CLOCK: variants seen among roughly 807,000 people sequenced by gnomAD.
The protein encoded by CLOCK is clock circadian regulator, also known as circadian locomoter output cycles protein kaput.
CLOCK carries 43 observed loss-of-function variants against 118.4 expected under a neutral mutation model. The ratio of observed to expected loss-of-function variants is 0.36; its 90% CI spans 0.28 to 0.47. The LOEUF (loss-of-function observed/expected upper bound fraction) is 0.47. Ranked by LOEUF, CLOCK falls within the 20% of genes least tolerant of loss-of-function variation. CLOCK has a pLI of 1.00. For synonymous variants in CLOCK, 326 were observed against 339.2 expected (o/e 0.96, Z 0.43); for missense variants, 846 against 999.9 (o/e 0.85, Z 2.08).
At chr4:55,488,417 T>C (rs1286359539) in intron 3 of CLOCK, among the ~76,000 whole-genome samples, 1 of 152,238 alleles carries the variant, frequency 6.6e-6, no homozygotes, top group Non-Finnish European at 1.5e-5. Context: ...CTACAGATTT[T>C]AAAGGTGTCC....
chr4:55,438,588 A>G (rs1489633623), intron 21 of CLOCK, 51 bp from the exon 22 acceptor site: 11 of 1,611,404 alleles, frequency 6.8e-6, no homozygotes, highest in Non-Finnish European at 9.3e-6. Context: ...CAAGGTATAC[A>G]TCATAAAACG....
chr4:55,496,407 T>C (rs1728090898), intron 2 of CLOCK, among the ~76,000 whole-genome samples: 1 of 152,154 alleles, frequency 6.6e-6, no homozygotes, highest in South Asian at 2.1e-4. Flanking sequence ...TGATTGGTTA[T>C]GTTGTTAATT....
At chr4:55,511,983 T>C (rs1376182789) in intron 1 of CLOCK, among the ~76,000 whole-genome samples, 1 of 151,900 alleles carries the variant, frequency 6.6e-6, no homozygotes, top group African/African-American at 2.4e-5. Flanking sequence ...TGTCTGAATA[T>C]ACCACAGTTT....
chr4:55,466,063 C>A (rs1218145162), intron 8 of CLOCK, among the ~76,000 whole-genome samples: 1 of 152,052 alleles, frequency 6.6e-6, no homozygotes, highest in East Asian at 1.9e-4. Context: ...AAAAAATAAT[C>A]TGATATGGTT....
rs1468010235 is a variant in CLOCK at position 55,432,033 on chromosome 4, T to C, written c.*3382A>G. On this transcript the variant is annotated 3_prime_UTR_variant, in exon 23 of 23. Coordinates refer to ENST00000513440, the MANE Select transcript of CLOCK (RefSeq NM_004898.4). The stretch of plus-strand genomic sequence containing the variant: ...TCACTATTTTGCACTGAATGTTCTA[T>C]AACAAACTATTCCAAATCACTGGCA... 6.6e-6 allele frequency: 1 copy of C among 152,218 alleles called. No individual in the cohort carries two copies. Among genetic ancestry groups the C allele is most frequent in the African/African-American group, 2.4e-5 (1 of 41,452 alleles). The allele number at this position is 152,218 out of a possible 1,614,324, so 9.4% of individuals were successfully genotyped here. A position where few individuals can be genotyped will look rare whatever the true frequency, so the allele number is the denominator to read the frequency against.
At chr4:55,481,881 T>A (rs960389287) in intron 4 of CLOCK, among the ~76,000 whole-genome samples, 1 of 152,218 alleles carries the variant, frequency 6.6e-6, no homozygotes, top group East Asian at 1.9e-4. Flanking sequence ...TGCAGAATTA[T>A]TGAGGTTAAA....
In CLOCK at chr4:55,438,365, G is replaced by C. The variant is rs1723064872; in HGVS notation, c.2278C>G (p.Gln760Glu). Residue 760 changes from glutamine (Q) to glutamate (E), a missense_variant, in exon 22 of 23, where the codon CAG (glutamine) becomes GAG (glutamate). By Grantham distance (29) the Gln-to-Glu change is conservative. This residue lies in a region of CLOCK where 520 missense variants were observed against 558.0 expected (regional missense o/e 0.93). Transcript: ENST00000513440. ...GTGAGCTGCTGCTCCTGGGAGCTCT[G>C]CTGCTGCTGCTGCTGCGTTACTGAC... ...TLSVTQQQQQQSSQEQQLTSV... is the reference protein window; with the variant it reads ...TLSVTQQQQQESSQEQQLTSV... 6 of 1,541,672 alleles carry C rather than the reference G, an allele frequency of 3.9e-6. No individual in the cohort carries two copies. In the East Asian group the frequency reaches 1.4e-4, roughly 36 times the overall value.
chr4:55,523,692 T>C (rs545020303), intron 1 of CLOCK, among the ~76,000 whole-genome samples: 48 of 152,152 alleles, frequency 3.2e-4, no homozygotes, highest in Non-Finnish European at 6.2e-4. Context: ...TCCAGATACA[T>C]CTCCACATAC....
intron 22 of CLOCK, among the ~76,000 whole-genome samples, chr4:55,437,343 C>G (rs1722964974): frequency 6.6e-6 from 1 of 152,154 alleles, no homozygotes; most frequent in East Asian, 1.9e-4. Context: ...AGTACACATA[C>G]AGACTAGCCT....
At chr4:55,489,292 G>C (rs1440631130) in intron 3 of CLOCK, 82 bp downstream of exon 3, 1 of 152,140 alleles carries the variant, frequency 6.6e-6, no homozygotes, top group African/African-American at 2.4e-5. Context: ...TTAAATTAGT[G>C]TGTCAAAATA....
rs1228956021 is a variant in CLOCK at position 55,459,191 on chromosome 4, A to G, written c.630T>C (p.Tyr210=). The G allele has an allele frequency of 3.7e-6, 6 of 1,610,910 alleles. No individual in the cohort carries two copies. The highest frequency in any genetic ancestry group is 1.7e-5 in the Admixed American group (1 of 59,976). ...AATTTCCTATAAATTTTACATATTC[A>G]TAGGTAGATGGCTCCTTTGGGTCTA... is the stretch of plus-strand genomic sequence containing the variant. ...GTIDPKEPST[Y]EYVKFIGNFK... Residue 210 remains tyrosine, a synonymous_variant, in exon 10 of 23, where the codon TAT becomes TAC. Coordinates refer to ENST00000513440, the MANE Select transcript of CLOCK (RefSeq NM_004898.4).
At chr4:55,539,629 A>G (rs1241326341) in intron 1 of CLOCK, among the ~76,000 whole-genome samples, 1 of 151,400 alleles carries the variant, frequency 6.6e-6, no homozygotes, top group Non-Finnish European at 1.5e-5. Flanking sequence ...TCAGAGAAAC[A>G]AAAATAGAAA....
intron 2 of CLOCK, among the ~76,000 whole-genome samples, chr4:55,507,263 A>T (rs985724571): frequency 2.0e-5 from 3 of 152,116 alleles, no homozygotes; most frequent in Admixed American, 1.3e-4. Context: ...AGCTGAGATC[A>T]TGCCACTGCA....
At position 55,429,839 on chromosome 4, in the gene CLOCK, ATGACT is replaced by A. The variant is rs1261163547; in HGVS notation, c.*5571_*5575del. 1.3e-5 allele frequency: 2 copies of A among 152,184 alleles called. No individual in the cohort carries two copies. The highest frequency in any genetic ancestry group is 2.9e-5 in the Non-Finnish European group (2 of 68,034). The allele number at this position is 152,184 out of a possible 1,614,324, so 9.4% of individuals were successfully genotyped here. The stretch of plus-strand genomic sequence containing the variant: ...AGTTATTTCTAAAATTCTTTCTTAG[ATGACT>A]TGAGGAGGGAAGTGCAGGGGCATCT... On this transcript the variant is annotated 3_prime_UTR_variant, in exon 23 of 23. Coordinates refer to ENST00000513440, the MANE Select transcript of CLOCK (RefSeq NM_004898.4).
intron 1 of CLOCK, among the ~76,000 whole-genome samples, chr4:55,521,038 C>T (rs1041170276): frequency 1.3e-4 from 20 of 152,156 alleles, no homozygotes; most frequent in Non-Finnish European, 2.5e-4. Context: ...GTCACACCTC[C>T]AAGTCTATGC....
In CLOCK at chr4:55,432,328, T is replaced by C. The variant is rs1722569329; in HGVS notation, c.*3087A>G. Reference sequence around the variant, plus strand: ...CTTGCATTTGTTAAACAATACTGACTCTCCCAAAACTATGATAACTGCAAG... The same window carrying C: ...CTTGCATTTGTTAAACAATACTGACCCTCCCAAAACTATGATAACTGCAAG... On this transcript the variant is annotated 3_prime_UTR_variant, in exon 23 of 23. Transcript: ENST00000513440. 1 of 152,058 alleles carries C rather than the reference T, an allele frequency of 6.6e-6. No homozygotes were observed. The highest frequency in any genetic ancestry group is 1.5e-5 in the Non-Finnish European group (1 of 68,014). 9.4% of individuals were successfully genotyped at this position (152,058 alleles called of 1,614,324 possible).
intron 1 of CLOCK, among the ~76,000 whole-genome samples, chr4:55,540,182 A>T (rs147419525): frequency 0.027 from 4,098 of 151,740 alleles, 199 homozygotes; most frequent in African/African-American, 0.094. Context: ...TAATTTTTGT[A>T]CTTTTAGTAG....
chr4:55,504,264 C>A (rs1415279644), intron 2 of CLOCK, among the ~76,000 whole-genome samples: 4 of 117,682 alleles, frequency 3.4e-5, no homozygotes, highest in African/African-American at 1.3e-4. Flanking sequence ...CCAGCCTGGG[C>A]GACACAGCGA....
At chr4:55,443,374 T>C (rs962751403) in intron 20 of CLOCK, among the ~76,000 whole-genome samples, 1 of 150,544 alleles carries the variant, frequency 6.6e-6, no homozygotes, top group Non-Finnish European at 1.5e-5. Flanking sequence ...ACTCGGGAGG[T>C]TGGGGCAGGA....
Sources: gnomAD v4.1 joint callset for allele counts (sites outside exome capture counted in the v4.1 genomes callset) on GRCh38, gnomAD v4.1.1 for gene constraint, gnomAD v4.1.1 regional missense constraint, MANE v1.5 for transcripts, NCBI Gene and HGNC (gene_info 2026-07-23, HGNC 2026-07-21) for gene names.